TAF1D: variants seen among roughly 807,000 people sequenced by gnomAD.
The protein encoded by TAF1D is TATA-box binding protein associated factor, RNA polymerase I subunit D.
TAF1D carries 23 observed loss-of-function variants against 26.2 expected under a neutral mutation model. The ratio of observed to expected loss-of-function variants is 0.88; its 90% CI spans 0.63 to 1.25. The LOEUF is 1.25. Among genes scored for constraint, TAF1D ranks in the 50% most tolerant of loss-of-function variants. The pLI is 0.00. For missense variants in TAF1D, 299 were observed against 322.0 expected (o/e 0.93, Z 0.55); for synonymous variants, 100 against 105.6 (o/e 0.95, Z 0.33).
In TAF1D at chr11:93,737,237, T is replaced by A. The variant is rs1940969386; in HGVS notation, c.462A>T (p.Gln154His). 6.3e-7 allele frequency: 1 copy of A among 1,596,622 alleles called. No individual in the cohort carries two copies. The highest frequency in any genetic ancestry group is 8.5e-7 in the Non-Finnish European group (1 of 1,172,712). ...AGTTAAAAAATCCTCTTGCAACAGCTTGCTATATATTAAAAACACCATAAG... is the reference window on the plus strand; with the variant it reads ...AGTTAAAAAATCCTCTTGCAACAGCATGCTATATATTAAAAACACCATAAG... ...APWRKILTFE[Q>H]AVARGFFNYI... The change falls in exon 4 of 6, where the codon CAA (glutamine) becomes CAT (histidine). Residue 154 changes from glutamine (Q) to histidine (H), a missense_variant and splice_region_variant. Transcript: ENST00000448108.
Position 93,736,135 on chromosome 11 carries a change from CT to C in TAF1D, c.*25del. 6.2e-7 allele frequency: 1 copy of C among 1,609,440 alleles called. No homozygotes were observed. The highest frequency in any genetic ancestry group is 1.1e-5 in the South Asian group (1 of 90,806). ...TCTATGAAGTCGTTTTTTCTATATG[CT>C]TCACCTTTGACATTCATGATCCTGT... On this transcript the variant is annotated 3_prime_UTR_variant, in exon 6 of 6. Transcript: ENST00000448108.
At chr11:93,731,095 G>T (rs771700400), downstream of TAF1D, 2 of 517,486 alleles carry the variant, frequency 3.9e-6, no homozygotes, top group South Asian at 1.4e-5. Context: ...CCTTGGTAAT[G>T]ACCATTACAC....
chr11:93,732,473 T>G (rs377071190), downstream of TAF1D: 5 of 518,704 alleles, frequency 9.6e-6, no homozygotes, highest in African/African-American at 1.9e-5. Context: ...AGGTGTAAAC[T>G]GCTGAGTGCA....
downstream of TAF1D, chr11:93,734,080 T>C (rs1206616993): frequency 6.5e-6 from 1 of 152,712 alleles, no homozygotes; most frequent in Non-Finnish European, 1.5e-5. Flanking sequence ...ACTGTTGTTA[T>C]GAACTTCAGT....
At chr11:93,734,693 A>G (rs1940292695), downstream of TAF1D, 1 of 1,280,208 alleles carries the variant, frequency 7.8e-7, no homozygotes, top group African/African-American at 1.5e-5. Context: ...GTATATCATC[A>G]ACATGAAATT....
At chr11:93,740,121 C>G (rs1171628636) in intron 1 of TAF1D, among the ~76,000 whole-genome samples, 1 of 151,788 alleles carries the variant, frequency 6.6e-6, no homozygotes, top group Admixed American at 6.6e-5. Flanking sequence ...CCAACCTGGG[C>G]AACGTGGTGA....
chr11:93,734,787 T>G (rs1351867053), downstream of TAF1D: 1 of 1,250,258 alleles, frequency 8.0e-7, no homozygotes, highest in Non-Finnish European at 1.0e-6. Context: ...CAACCTTTTT[T>G]TCTTAAGAGA....
At chr11:93,735,158 T>C (rs187246097), downstream of TAF1D, 1 of 1,351,998 alleles carries the variant, frequency 7.4e-7, no homozygotes, top group African/African-American at 1.5e-5. Context: ...CAATGAGTTC[T>C]GGGTTGCAAA....
At chr11:93,731,460 TTTTA>T (rs749440703), downstream of TAF1D, 203 of 515,462 alleles carry the variant, frequency 3.9e-4, no homozygotes, top group Admixed American at 1.6e-3. Flanking sequence ...ACCTTTGAGC[TTTTA>T]TAATCTTCTG....
rs59420824 is a variant in TAF1D at position 93,740,433 on chromosome 11, GAAAAAAAAAAAAAAAAAA to G, written c.-28+871_-28+888del. ...ACGACAGAGCAAGACCCTGTCTCAG[GAAAAAAAAAAAAAAAAAA>G]AAAAAAAAAAAAAAAGGCATGGCAA... On this transcript the variant is annotated intron_variant, in intron 1 of 5. Coordinates refer to ENST00000448108, the MANE Select transcript of TAF1D (RefSeq NM_024116.4). Among the ~76,000 whole-genome samples the G allele has an allele frequency of 8.7e-4, 42 of 48,430 alleles. 1 individual carries two copies. Among genetic ancestry groups the G allele is most frequent in the Admixed American group, 6.3e-3 (19 of 3,002 alleles). 31.8% of individuals were successfully genotyped at this position (48,430 alleles called of 152,430 possible).
At position 93,739,335 on chromosome 11, in the gene TAF1D, A is replaced by G. The variant is rs1302279573; in HGVS notation, c.-27-4T>C. On this transcript the variant is annotated splice_polypyrimidine_tract_variant and splice_region_variant and intron_variant, in intron 1 of 5. Transcript: ENST00000448108. Reference sequence around the variant, plus strand: ...GCTCTTTGTTTTAAACAGTTTTCTGAAATTATGAAATTTAGTAAATATGAC... The same window carrying G: ...GCTCTTTGTTTTAAACAGTTTTCTGGAATTATGAAATTTAGTAAATATGAC... 6.3e-7 allele frequency: 1 copy of G among 1,586,202 alleles called. No individual in the cohort carries two copies. Among genetic ancestry groups the G allele is most frequent in the East Asian group, 2.2e-5 (1 of 44,682 alleles).
At position 93,736,004 on chromosome 11, in the gene TAF1D, ACTT is replaced by A. The variant is rs1330519934; in HGVS notation, c.*154_*156del. On this transcript the variant is annotated 3_prime_UTR_variant, in exon 6 of 6. Transcript: ENST00000448108. ...ACTACTTCACAAGTTTCTTTCACAA[ACTT>A]CTTCACAGGGTTAAAAATTTTTTTT... The A allele has an allele frequency of 7.2e-7, 1 of 1,390,828 alleles. No individual in the cohort carries two copies. The highest frequency in any genetic ancestry group is 1.5e-5 in the African/African-American group (1 of 66,508). The allele number at this position is 1,390,828 out of a possible 1,614,324, so 86.2% of individuals were successfully genotyped here. A position where few individuals can be genotyped will look rare whatever the true frequency, so the allele number is the denominator to read the frequency against.
chr11:93,736,489 G>T, intron 5 of TAF1D, 185 bp from the exon 6 acceptor site: 1 of 1,423,318 alleles, frequency 7.0e-7, no homozygotes, highest in East Asian at 2.6e-5. Flanking sequence ...GTATCAGAAT[G>T]CTACTTATTA....
chr11:93,737,494 T>A (rs1941045402), intron 3 of TAF1D, among the ~76,000 whole-genome samples: 1 of 152,160 alleles, frequency 6.6e-6, no homozygotes, highest in Non-Finnish European at 1.5e-5. Flanking sequence ...CATTTTAAAA[T>A]GTAAAAACAG....
downstream of TAF1D, chr11:93,734,295 C>T (rs1277646574): frequency 1.4e-5 from 3 of 209,180 alleles, no homozygotes; most frequent in African/African-American, 7.0e-5. Context: ...TTTTATTATA[C>T]TATATTTTGC....
intron 3 of TAF1D, 104 bp downstream of exon 3, chr11:93,738,005 A>G: frequency 7.4e-7 from 1 of 1,345,866 alleles, no homozygotes; most frequent in Non-Finnish European, 9.9e-7. Flanking sequence ...TCAAAATTGC[A>G]GACAGTCTGT....
In TAF1D at chr11:93,737,079, G is replaced by A; in HGVS notation, c.620C>T (p.Pro207Leu). Residue 207 changes from proline (P) to leucine (L), a missense_variant, in exon 4 of 6, where the codon CCT (proline) becomes CTT (leucine). Physicochemically the swap from Pro to Leu is moderately conservative, Grantham distance 98 (BLOSUM62 -3). Coordinates refer to ENST00000448108, the MANE Select transcript of TAF1D (RefSeq NM_024116.4). ...KFLDDDGSIS[P>L]IEESTAEDED... The stretch of plus-strand genomic sequence containing the variant: ...TTCCACTTACGTTGACTCCTCAATA[G>A]GAGAAATGGATCCATCATCATCCAA... 6.2e-7 allele frequency: 1 copy of A among 1,602,270 alleles called. No individual in the cohort carries two copies.
At chr11:93,734,921 AC>A, downstream of TAF1D, 1 of 825,298 alleles carries the variant, frequency 1.2e-6, no homozygotes, top group Non-Finnish European at 1.6e-6. Flanking sequence ...ATGCCCCAGT[AC>A]CCAGCTAATT....
downstream of TAF1D, chr11:93,730,568 T>C (rs763723360): frequency 1.1e-5 from 7 of 619,102 alleles, no homozygotes; most frequent in Non-Finnish European, 2.1e-5. Flanking sequence ...TATGGCTTCC[T>C]ATAGAGAACT....
Sources: allele counts gnomAD v4.1 joint callset (sites outside exome capture counted in the v4.1 genomes callset), GRCh38; gene constraint gnomAD v4.1.1; transcripts MANE v1.5; gene names NCBI Gene and HGNC (gene_info 2026-07-23, HGNC 2026-07-21).